The following TPTE variants were observed in gnomAD, a reference collection of about 807,000 sequenced individuals.
TPTE encodes putative tyrosine-protein phosphatase TPTE.
A neutral mutation model predicts 84.1 loss-of-function variants in TPTE; 59 were observed. The ratio of observed to expected loss-of-function variants is 0.70; its 90% CI spans 0.57 to 0.87. The LOEUF is 0.87. Ranked by LOEUF, TPTE falls within the 40% of genes least tolerant of loss-of-function variation. The probability of loss-of-function intolerance (pLI) is 0.00; values close to 1 mark genes in which losing one functional copy is unlikely to be tolerated. For synonymous variants in TPTE, 130 were observed against 223.5 expected, an observed-to-expected ratio of 0.58 and a Z score of 3.73; for missense variants, 382 against 659.6, an observed-to-expected ratio of 0.58 and a Z score of 4.61.
chr21:10,593,478 T>G (rs11910618), intron 19 of TPTE, among the ~76,000 whole-genome samples: 132 of 151,880 alleles, frequency 8.7e-4, no homozygotes, highest in African/African-American at 3.1e-3. Flanking sequence ...AGTTCATAGA[T>G]TTCTCACCAT....
intron 7 of TPTE, among the ~76,000 whole-genome samples, chr21:10,545,151 A>G (rs1244373369): frequency 6.6e-6 from 1 of 152,308 alleles, no homozygotes; most frequent in Non-Finnish European, 1.5e-5. Context: ...ATTGAATTAA[A>G]AAGAGTAATG....
chr21:10,550,374 T>C (rs1044620143), intron 7 of TPTE, among the ~76,000 whole-genome samples: 4 of 152,310 alleles, frequency 2.6e-5, no homozygotes, highest in Admixed American at 2.0e-4. Flanking sequence ...AGACTGATAA[T>C]AAAGGGATGG....
At chr21:10,553,894 C>T (rs975967299) in intron 8 of TPTE, among the ~76,000 whole-genome samples, 6 of 152,304 alleles carry the variant, frequency 3.9e-5, no homozygotes, top group Admixed American at 3.9e-4. Context: ...ATGAAAATAA[C>T]ATGCAAAAAT....
intron 10 of TPTE, among the ~76,000 whole-genome samples, chr21:10,564,453 T>A (rs2145686219): frequency 6.6e-6 from 1 of 152,420 alleles, no homozygotes; most frequent in Admixed American, 6.5e-5. Flanking sequence ...GAGGTTGCAG[T>A]GAGCTGAGAT....
At chr21:10,536,035 T>C (rs371924214) in intron 3 of TPTE, among the ~76,000 whole-genome samples, 1 of 152,306 alleles carries the variant, frequency 6.6e-6, no homozygotes, top group Non-Finnish European at 1.5e-5. Flanking sequence ...CCCAGCACTT[T>C]GGGAGGCCAA....
intron 7 of TPTE, among the ~76,000 whole-genome samples, chr21:10,544,967 C>A (rs1432263798): frequency 6.6e-6 from 1 of 152,278 alleles, no homozygotes; most frequent in Non-Finnish European, 1.5e-5. Flanking sequence ...AACCTCGTTT[C>A]CAGAGAAAAA....
intron 4 of TPTE, 118 bp from the exon 5 acceptor site, chr21:10,540,994 C>G (rs2074358680): frequency 6.9e-7 from 1 of 1,453,738 alleles, no homozygotes; most frequent in African/African-American, 1.4e-5. Context: ...TAGTGATATA[C>G]ATACATGTGA....
chr21:10,591,668 C>G (rs1407526079), intron 18 of TPTE, among the ~76,000 whole-genome samples: 52 of 152,222 alleles, frequency 3.4e-4, no homozygotes, highest in Non-Finnish European at 6.2e-4. Context: ...TATGCGAGGC[C>G]TGTGCTTCTT....
rs556974504 is a variant in TPTE, at chr21:10,561,107, A to G, written c.362A>G (p.Tyr121Cys). 11 of 1,611,984 alleles carry G rather than the reference A, an allele frequency of 6.8e-6. No individual in the cohort carries two copies. Among genetic ancestry groups the G allele is most frequent in the Non-Finnish European group, 9.3e-6 (11 of 1,179,870 alleles). Residue 121 changes from tyrosine to cysteine, a missense_variant, in exon 10 of 24, where the codon TAT (tyrosine) becomes TGT (cysteine). Transcript: ENST00000618007. ...CTAATTTTCACTGACAGCAAACTTTATATTCCTTTGGAGTATCGTTCTATT... is the reference window on the plus strand; with the variant it reads ...CTAATTTTCACTGACAGCAAACTTTGTATTCCTTTGGAGTATCGTTCTATT... The part of the protein sequence containing the change: ...ADLIFTDSKL[Y>C]IPLEYRSISL...
intron 10 of TPTE, among the ~76,000 whole-genome samples, chr21:10,563,227 C>T (rs2074844464): frequency 6.6e-6 from 1 of 152,306 alleles, no homozygotes; most frequent in Non-Finnish European, 1.5e-5. Flanking sequence ...TTTGTCAACA[C>T]CAGACCTGTC....
chr21:10,534,785 T>C (rs1344497743), intron 3 of TPTE, among the ~76,000 whole-genome samples: 1 of 152,310 alleles, frequency 6.6e-6, no homozygotes, highest in African/African-American at 2.4e-5. Context: ...CCTTTTCTTT[T>C]TGGGTCTAGT....
chr21:10,549,549 A>G (rs1255272017), intron 7 of TPTE, among the ~76,000 whole-genome samples: 1 of 152,304 alleles, frequency 6.6e-6, no homozygotes, highest in Non-Finnish European at 1.5e-5. Flanking sequence ...CAATGGATGA[A>G]ATGAAAAAAT....
At chr21:10,591,879 C>T (rs374455188) in intron 18 of TPTE, among the ~76,000 whole-genome samples, 65 of 152,230 alleles carry the variant, frequency 4.3e-4, no homozygotes, top group African/African-American at 1.2e-3. Context: ...AAGATCACTG[C>T]GGCCGGGCAC....
Position 10,542,454 on chromosome 21 carries a change from C to G in TPTE, c.119+6C>G, listed in dbSNP as rs469719. 1 of 1,405,158 alleles carries G rather than the reference C, an allele frequency of 7.1e-7. No individual in the cohort carries two copies. The highest frequency in any genetic ancestry group is 9.7e-7 in the Non-Finnish European group (1 of 1,032,492). The allele number at this position is 1,405,158 out of a possible 1,614,324, so 87.0% of individuals were successfully genotyped here. On this transcript the variant is annotated splice_donor_region_variant and intron_variant, in intron 6 of 23. Transcript: ENST00000618007. ...GAGGCACCTGCGAAAGAAAGGTGAG[C>G]AATAAATAGTTAAAGTCACCCGTCA... is the stretch of plus-strand genomic sequence containing the variant.
intron 19 of TPTE, among the ~76,000 whole-genome samples, chr21:10,595,179 A>G (rs1600977470): frequency 6.6e-6 from 1 of 152,310 alleles, no homozygotes; most frequent in African/African-American, 2.4e-5. Flanking sequence ...AGTGGCTGGG[A>G]TTATAGGTGC....
chr21:10,589,149 A>T (rs2075418245), intron 17 of TPTE, among the ~76,000 whole-genome samples: 1 of 152,292 alleles, frequency 6.6e-6, no homozygotes, highest in African/African-American at 2.4e-5. Context: ...TTTGGGTAGG[A>T]TTTTTCTTTT....
At chr21:10,573,651 A>G (rs2075090421) in intron 14 of TPTE, among the ~76,000 whole-genome samples, 2 of 152,308 alleles carry the variant, frequency 1.3e-5, no homozygotes, top group Non-Finnish European at 2.9e-5. Context: ...TACACATTGT[A>G]TACAAGTATT....
rs574917437 is a variant in TPTE, at chr21:10,564,374, G to T, written c.446+3183G>T. Among the ~76,000 whole-genome samples, 3 of 152,416 alleles carry T rather than the reference G, an allele frequency of 2.0e-5. No individual in the cohort carries two copies. The South Asian group carries it at 6.2e-4, about 32-fold the overall frequency. On this transcript the variant is annotated intron_variant, in intron 10 of 23. Coordinates refer to ENST00000618007, the MANE Select transcript of TPTE (RefSeq NM_199261.4). The stretch of plus-strand genomic sequence containing the variant: ...AAAATACAAAAATTAGCTGGGTGTG[G>T]TGCCGGGCACCTGTAATTTCAGCTA...
chr21:10,589,964 G>A (rs2075436291), intron 17 of TPTE, among the ~76,000 whole-genome samples: 1 of 152,312 alleles, frequency 6.6e-6, no homozygotes, highest in African/African-American at 2.4e-5. Context: ...GCATCCTTAA[G>A]AGAAATGGCA....
Sources: allele counts gnomAD v4.1 joint callset (sites outside exome capture counted in the v4.1 genomes callset), GRCh38; gene constraint gnomAD v4.1.1; transcripts MANE v1.5; gene names NCBI Gene and HGNC (gene_info 2026-07-23, HGNC 2026-07-21).